Variants in NR5A2 observed in about 807,000 individuals in gnomAD.
NR5A2 encodes the protein nuclear receptor subfamily 5 group A member 2.
A neutral mutation model predicts 62.7 loss-of-function variants in NR5A2; 26 were observed. That is an observed-to-expected ratio of 0.41 (90% CI 0.30 to 0.58). NR5A2 has a LOEUF of 0.58. Among genes scored for constraint, NR5A2 ranks in the 20% least tolerant of loss-of-function variants. The probability of loss-of-function intolerance (pLI) is 0.22; values close to 1 mark genes in which losing one functional copy is unlikely to be tolerated. For missense variants in NR5A2, 541 were observed against 669.1 expected (o/e 0.81, Z 2.11); for synonymous variants, 246 against 241.7 (o/e 1.02, Z -0.16).
rs1667745859 is a variant in NR5A2, at chr1:200,147,248, G to A, written c.1378+26293G>A. Among the ~76,000 whole-genome samples, 1 of 152,228 alleles carries A rather than the reference G, an allele frequency of 6.6e-6. No homozygotes were observed. The highest frequency in any genetic ancestry group is 2.1e-4 in the South Asian group (1 of 4,838). ...CAGCGAGGCCGCTGCACCACGTGGT[G>A]TCAGGAGACCTTAGCAATGGCCCAG... On this transcript the variant is annotated intron_variant, in intron 7 of 7. Coordinates refer to ENST00000367362, the MANE Select transcript of NR5A2 (RefSeq NM_205860.3). The surrounding 1 kb of genome is among the most constrained non-coding windows in gnomAD (Gnocchi z 4.9).
intron 7 of NR5A2, among the ~76,000 whole-genome samples, chr1:200,152,138 G>C (rs951401237): frequency 1.1e-4 from 16 of 152,164 alleles, no homozygotes; most frequent in African/African-American, 3.9e-4. Flanking sequence ...TGATAGTCTG[G>C]GTGGGGGACT....
intron 1 of NR5A2, among the ~76,000 whole-genome samples, chr1:200,034,106 T>C (rs1210440466): frequency 6.6e-6 from 1 of 152,158 alleles, no homozygotes; most frequent in Non-Finnish European, 1.5e-5. Flanking sequence ...AATAATCTCG[T>C]GCTAAGGATT....
At chr1:200,118,764 C>A (rs1431444069) in intron 6 of NR5A2, among the ~76,000 whole-genome samples, 1 of 152,172 alleles carries the variant, frequency 6.6e-6, no homozygotes, top group African/African-American at 2.4e-5. Context: ...TAGAAAGTTC[C>A]CCTGTAAGAG....
chr1:200,048,899 C>A lies in NR5A2; in HGVS notation c.1110+81C>A. The A allele has an allele frequency of 6.7e-7, 1 of 1,482,466 alleles. No individual in the cohort carries two copies. Among genetic ancestry groups the A allele is most frequent in the Non-Finnish European group, 9.2e-7 (1 of 1,086,274 alleles). The allele number at this position is 1,482,466 out of a possible 1,614,324, so 91.8% of individuals were successfully genotyped here. A position where few individuals can be genotyped will look rare whatever the true frequency, so the allele number is the denominator to read the frequency against. ...GTTCCTAATTAATACATTCTTGGTG[C>A]TGAAAATATGTGTTCCTTAATTTTC... On this transcript the variant is annotated intron_variant, in intron 5 of 7. Transcript: ENST00000367362. The surrounding 1 kb of genome is among the most constrained non-coding windows in gnomAD (Gnocchi z 4.8).
intron 6 of NR5A2, among the ~76,000 whole-genome samples, chr1:200,114,827 G>T (rs749031556): frequency 6.6e-6 from 1 of 152,132 alleles, no homozygotes; most frequent in Non-Finnish European, 1.5e-5. Flanking sequence ...CAGAACAGAT[G>T]GTCAGATCGA....
chr1:200,051,974 G>A (rs548518031), intron 5 of NR5A2, among the ~76,000 whole-genome samples: 75 of 152,040 alleles, frequency 4.9e-4, no homozygotes, highest in Admixed American at 2.1e-3. Context: ...CTAAACCAAA[G>A]TTTCACCAGA....
chr1:200,061,340 G>A (rs367847281), intron 5 of NR5A2, among the ~76,000 whole-genome samples: 59 of 146,708 alleles, frequency 4.0e-4, no homozygotes, highest in African/African-American at 1.3e-3. Context: ...GTGTAATGGC[G>A]TGATCTTGGC....
At chr1:200,045,184 G>A (rs1662302612) in intron 3 of NR5A2, among the ~76,000 whole-genome samples, 1 of 152,218 alleles carries the variant, frequency 6.6e-6, no homozygotes, top group Non-Finnish European at 1.5e-5. Context: ...TGACTGTTGG[G>A]ATAAAATGGT....
intron 5 of NR5A2, among the ~76,000 whole-genome samples, chr1:200,082,734 T>C (rs1664351681): frequency 6.6e-6 from 1 of 152,206 alleles, no homozygotes; most frequent in Non-Finnish European, 1.5e-5. Context: ...AATAGGCATC[T>C]AATGTTGATC....
At chr1:200,110,243 G>C (rs1489279384) in intron 5 of NR5A2, among the ~76,000 whole-genome samples, 1 of 152,134 alleles carries the variant, frequency 6.6e-6, no homozygotes, top group Non-Finnish European at 1.5e-5. Flanking sequence ...ATAATGTATA[G>C]TGTATGTCTA....
chr1:200,036,065 C>G (rs3790850), intron 1 of NR5A2, among the ~76,000 whole-genome samples: 41,267 of 151,976 alleles, frequency 0.27, 6,942 homozygotes, highest in East Asian at 0.71. Context: ...ATGTCCCCGG[C>G]GGAGGATGAG....
In NR5A2 at chr1:200,111,327, T is replaced by C. The variant is rs1571496812; in HGVS notation, c.1230+6T>C. 1.3e-6 allele frequency: 2 copies of C among 1,548,380 alleles called. No homozygotes were observed. The highest frequency in any genetic ancestry group is 8.6e-7 in the Non-Finnish European group (1 of 1,161,050). ...TCCTGGTTACTGGGCAACAAGTGAG[T>C]GTAGAGACCAAAAAAAAAAAAAAAG... is the stretch of plus-strand genomic sequence containing the variant. On this transcript the variant is annotated splice_donor_region_variant and intron_variant, in intron 6 of 7. Coordinates refer to ENST00000367362, the MANE Select transcript of NR5A2 (RefSeq NM_205860.3).
At chr1:200,136,621 T>G (rs1369950942) in intron 7 of NR5A2, among the ~76,000 whole-genome samples, 1 of 152,214 alleles carries the variant, frequency 6.6e-6, no homozygotes, top group African/African-American at 2.4e-5. Flanking sequence ...ACTTTAGTCA[T>G]CAAAGTCTAG....
At chr1:200,098,083 C>G (rs1299041287) in intron 5 of NR5A2, among the ~76,000 whole-genome samples, 2 of 152,094 alleles carry the variant, frequency 1.3e-5, no homozygotes, top group Non-Finnish European at 2.9e-5. Context: ...CATGTCCCTC[C>G]TTTTGAGATT....
chr1:200,153,163 A>G (rs1417205664), intron 7 of NR5A2, among the ~76,000 whole-genome samples: 2 of 152,226 alleles, frequency 1.3e-5, no homozygotes, highest in Non-Finnish European at 2.9e-5. Flanking sequence ...TCTAAAGCCT[A>G]CTTTAGAGTA....
At chr1:200,135,155 C>T (rs1203588688) in intron 7 of NR5A2, among the ~76,000 whole-genome samples, 1 of 152,202 alleles carries the variant, frequency 6.6e-6, no homozygotes, top group Non-Finnish European at 1.5e-5. Flanking sequence ...ATGCTCCAAG[C>T]CAGGGCCACT....
At chr1:200,074,756 A>AAAAAAAAAAAAAAAAAAAAAAT (rs1304164782) in intron 5 of NR5A2, among the ~76,000 whole-genome samples, 1 of 137,640 alleles carries the variant, frequency 7.3e-6, no homozygotes, top group African/African-American at 2.7e-5. Context: ...AAAAAAAAAA[A>AAAAAAAAAAAAAAAAAAAAAAT]CACGAGAGAA....
At chr1:200,146,830 A>G (rs372937503) in intron 7 of NR5A2, among the ~76,000 whole-genome samples, 2 of 152,222 alleles carry the variant, frequency 1.3e-5, no homozygotes, top group East Asian at 1.9e-4. Context: ...ATAAGTTTTT[A>G]CTGATTAAAA....
intron 7 of NR5A2, chr1:200,148,248 C>A: frequency 4.6e-6 from 1 of 215,548 alleles, no homozygotes; most frequent in Non-Finnish European, 9.9e-6. Flanking sequence ...CCAAAGGAAG[C>A]CGGCCACAGC....
Sources: allele counts gnomAD v4.1 joint callset (sites outside exome capture counted in the v4.1 genomes callset), GRCh38; gene constraint gnomAD v4.1.1; non-coding constraint Gnocchi (gnomAD v3.1); transcripts MANE v1.5; gene names NCBI Gene and HGNC (gene_info 2026-07-23, HGNC 2026-07-21).